Variants in MGST2 observed in about 807,000 individuals in gnomAD.
MGST2 encodes the protein microsomal glutathione S-transferase 2.
In MGST2, 9 loss-of-function variants were observed where a neutral mutation model predicts 16.6. The ratio of observed to expected loss-of-function variants is 0.54; its 90% CI spans 0.33 to 0.95. The LOEUF is 0.95. Among genes scored for constraint, MGST2 ranks in the 40% least tolerant of loss-of-function variants. MGST2 has a pLI of 0.03. For synonymous variants in MGST2, 79 were observed against 68.0 expected (o/e 1.16, Z -0.79); for missense variants, 159 against 175.1 (o/e 0.91, Z 0.52).
At chr4:139,705,111 G>A (rs1727470138), downstream of MGST2, among the ~76,000 whole-genome samples, 1 of 152,126 alleles carries the variant, frequency 6.6e-6, no homozygotes, top group African/African-American at 2.4e-5. Flanking sequence ...TCCAACACAT[G>A]GGCTCAAGCG....
intron 5 of MGST2, among the ~76,000 whole-genome samples, chr4:139,734,312 G>A (rs530083645): frequency 1.3e-5 from 2 of 152,326 alleles, no homozygotes; most frequent in East Asian, 3.9e-4. Flanking sequence ...ACCAGGCTGA[G>A]CTTTCGTCAT....
chr4:139,707,467 T>C (rs1727565194), downstream of MGST2, among the ~76,000 whole-genome samples: 3 of 152,192 alleles, frequency 2.0e-5, no homozygotes, highest in Non-Finnish European at 4.4e-5. Flanking sequence ...GACATTTGGG[T>C]TGGTTCCAAG....
At chr4:139,671,266 G>A (rs1730679269) in intron 1 of MGST2, among the ~76,000 whole-genome samples, 1 of 152,106 alleles carries the variant, frequency 6.6e-6, no homozygotes, top group Non-Finnish European at 1.5e-5. Flanking sequence ...GGTCTGTTCA[G>A]TTGTTTGGGG....
intron 1 of MGST2, among the ~76,000 whole-genome samples, chr4:139,668,494 G>A (rs1005444530): frequency 4.6e-5 from 7 of 152,134 alleles, no homozygotes; most frequent in Non-Finnish European, 1.0e-4. Context: ...TATCTGTCAT[G>A]TGATGCTATA....
At chr4:139,754,617 A>T in the MGST2 span, among the ~76,000 whole-genome samples, 27 of 152,332 alleles carry the variant, frequency 1.8e-4, no homozygotes, top group African/African-American at 5.8e-4. Flanking sequence ...CTAAAAGTAG[A>T]AGTTTTGTGT....
chr4:139,720,382 C>G (rs1357879625), intron 5 of MGST2: 1 of 1,435,850 alleles, frequency 7.0e-7, no homozygotes, highest in East Asian at 2.4e-5. Flanking sequence ...TATACTGCAA[C>G]AAGATGTTGG....
rs56662682 is a variant in MGST2 at position 139,700,127 on chromosome 4, CTTT to C, written c.230-3308_230-3306del. On this transcript the variant is annotated intron_variant, in intron 3 of 4. Transcript: ENST00000265498. ...TTTTGTTTTTTGGTCTTTGGTTTTG[CTTT>C]TTTTTTTTTTTTTTTTTTTGAGATG... Among the ~76,000 whole-genome samples the C allele has an allele frequency of 5.9e-3, 490 of 83,010 alleles. 2 individuals are homozygous for C. Among genetic ancestry groups the C allele is most frequent in the African/African-American group, 0.023 (458 of 19,572 alleles). The allele number at this position is 83,010 out of a possible 152,430, so 54.5% of individuals were successfully genotyped here. A position where few individuals can be genotyped will look rare whatever the true frequency, so the allele number is the denominator to read the frequency against.
At chr4:139,747,267 C>G in the MGST2 span, among the ~76,000 whole-genome samples, 5 of 152,240 alleles carry the variant, frequency 3.3e-5, no homozygotes, top group Middle Eastern at 3.4e-3. Context: ...TTTGTGGCGC[C>G]GGTGGGAGGA....
At chr4:139,675,720 G>A (rs1033823487) in intron 1 of MGST2, among the ~76,000 whole-genome samples, 7 of 152,226 alleles carry the variant, frequency 4.6e-5, no homozygotes, top group East Asian at 1.9e-4. Context: ...GACTGAGCGC[G>A]CCGGGGAGGA....
At chr4:139,734,594 A>G (rs1728854290) in intron 5 of MGST2, among the ~76,000 whole-genome samples, 1 of 152,190 alleles carries the variant, frequency 6.6e-6, no homozygotes, top group South Asian at 2.1e-4. Flanking sequence ...GATCTTAGCA[A>G]TTTTCTAAAG....
chr4:139,737,997 G>A (rs1729011237), intron 5 of MGST2, among the ~76,000 whole-genome samples: 1 of 152,242 alleles, frequency 6.6e-6, no homozygotes, highest in South Asian at 2.1e-4. Flanking sequence ...GGCCCAATGC[G>A]AAGGCTGCTA....
chr4:139,674,096 C>T (rs1019889198), intron 1 of MGST2, among the ~76,000 whole-genome samples: 12 of 152,154 alleles, frequency 7.9e-5, no homozygotes, highest in African/African-American at 2.9e-4. Context: ...GTATCTGAGA[C>T]AATTTAGAAA....
At chr4:139,732,271 TAG>T (rs1728754081) in intron 5 of MGST2, among the ~76,000 whole-genome samples, 1 of 152,234 alleles carries the variant, frequency 6.6e-6, no homozygotes, top group African/African-American at 2.4e-5. Context: ...CTGTCTCTCC[TAG>T]AGAGACCGTC....
downstream of MGST2, among the ~76,000 whole-genome samples, chr4:139,742,004 A>T (rs987589735): frequency 3.9e-5 from 6 of 152,214 alleles, no homozygotes; most frequent in South Asian, 2.1e-4. Flanking sequence ...GCATAAAAAT[A>T]AGTTTTAGAA....
chr4:139,705,914 C>T (rs968469539), downstream of MGST2, among the ~76,000 whole-genome samples: 3 of 152,070 alleles, frequency 2.0e-5, no homozygotes, highest in Admixed American at 6.6e-5. Flanking sequence ...AAAATGAGAA[C>T]GATTCTACCT....
chr4:139,742,467 T>G (rs7674828), downstream of MGST2, among the ~76,000 whole-genome samples: 106,093 of 152,108 alleles, frequency 0.7, 37,829 homozygotes, highest in Non-Finnish European at 0.79. Flanking sequence ...CTTTTCACTC[T>G]TTAATCAGAA....
chr4:139,666,102 G>A, intron 1 of MGST2, 25 bp downstream of exon 1: 1 of 1,532,634 alleles, frequency 6.5e-7, no homozygotes, highest in East Asian at 2.5e-5. Context: ...AAGTTCGTGT[G>A]TGTGCGCGTG....
At position 139,682,322 on chromosome 4, in the gene MGST2, T is replaced by C. The variant is rs183047515; in HGVS notation, c.158+3680T>C. ...GGTTCCTGGGGGGTAAGTTGGGTGG[T>C]CTGTGATATACAATAAAGCTATGGG... On this transcript the variant is annotated intron_variant, in intron 2 of 4. Transcript: ENST00000265498. 1.7e-3 allele frequency among the ~76,000 whole-genome samples: 264 copies of C among 151,610 alleles called. 2 individuals carry two copies. Among genetic ancestry groups the C allele is most frequent in the African/African-American group, 6.0e-3 (249 of 41,376 alleles).
chr4:139,680,432 T>C (rs1731181818), intron 2 of MGST2, among the ~76,000 whole-genome samples: 1 of 152,198 alleles, frequency 6.6e-6, no homozygotes, highest in Non-Finnish European at 1.5e-5. Context: ...AATCTAGTAA[T>C]ACATTTTTCT....
Sources: gnomAD v4.1 joint callset for allele counts (sites outside exome capture counted in the v4.1 genomes callset) on GRCh38, gnomAD v4.1.1 for gene constraint, MANE v1.5 for transcripts, NCBI Gene and HGNC (gene_info 2026-07-23, HGNC 2026-07-21) for gene names.